The following TDRD10 variants were observed in gnomAD, a reference collection of about 807,000 sequenced individuals.
TDRD10 encodes the protein tudor domain containing 10.
A neutral mutation model predicts 48.0 loss-of-function variants in TDRD10; 40 were observed. The observed-to-expected ratio is 0.83, with a 90% CI of 0.65 to 1.09. TDRD10 has a LOEUF of 1.09. TDRD10 is among the 50% of genes least tolerant of loss of function. The pLI, the probability that TDRD10 is intolerant of heterozygous loss-of-function variation, is 0.00. For synonymous variants in TDRD10, 162 were observed against 170.4 expected (o/e 0.95, Z 0.38); for missense variants, 378 against 434.7 (o/e 0.87, Z 1.16).
intron 6 of TDRD10, among the ~76,000 whole-genome samples, chr1:154,527,384 G>A (rs1003461997): frequency 6.6e-6 from 1 of 152,128 alleles, no homozygotes; most frequent in Admixed American, 6.6e-5. Flanking sequence ...AGATCTCTGG[G>A]GAAAGGATAC....
chr1:154,546,811 T>C (rs1182539599), intron 11 of TDRD10, among the ~76,000 whole-genome samples: 2 of 151,998 alleles, frequency 1.3e-5, no homozygotes, highest in East Asian at 3.9e-4. Flanking sequence ...AAAATACAGC[T>C]CAGAAAAGTG....
intron 7 of TDRD10, 34 bp downstream of exon 7, chr1:154,542,100 G>GTGGC: frequency 6.2e-7 from 1 of 1,612,570 alleles, no homozygotes; most frequent in Non-Finnish European, 8.5e-7. Context: ...TTCCCAGGAT[G>GTGGC]TGGCTTTGCA....
chr1:154,529,291 C>T (rs1408345976), intron 6 of TDRD10, among the ~76,000 whole-genome samples: 2 of 152,114 alleles, frequency 1.3e-5, no homozygotes, highest in South Asian at 4.1e-4. Context: ...CCAGGCAGGT[C>T]TCAAACTCCT....
intron 4 of TDRD10, among the ~76,000 whole-genome samples, chr1:154,518,572 T>C (rs1363172097): frequency 1.3e-5 from 2 of 152,066 alleles, no homozygotes; most frequent in African/African-American, 4.8e-5. Flanking sequence ...GGACTGCAGG[T>C]GCCCGCCACC....
chr1:154,527,349 G>A (rs571348488), intron 6 of TDRD10, among the ~76,000 whole-genome samples: 2 of 152,338 alleles, frequency 1.3e-5, no homozygotes, highest in African/African-American at 2.4e-5. Context: ...TTCGTACACA[G>A]AAACTATTAT....
chr1:154,519,869 T>A (rs1159753368), intron 4 of TDRD10, among the ~76,000 whole-genome samples: 2 of 151,554 alleles, frequency 1.3e-5, no homozygotes, highest in Admixed American at 1.3e-4. Context: ...TGTGGGGAAA[T>A]GTTCCGGGAA....
intron 3 of TDRD10, 144 bp from the exon 4 acceptor site, chr1:154,508,279 C>T (rs1693259705): frequency 3.1e-6 from 2 of 653,816 alleles, no homozygotes; most frequent in East Asian, 5.1e-5. Flanking sequence ...CTTTGGGAGA[C>T]TGAGGTAGGA....
intron 6 of TDRD10, among the ~76,000 whole-genome samples, chr1:154,523,236 C>A (rs1419067258): frequency 6.6e-6 from 1 of 152,116 alleles, no homozygotes; most frequent in Non-Finnish European, 1.5e-5. Context: ...ATGATTTTTT[C>A]TTCCACTTGG....
In TDRD10 at chr1:154,524,435, G is replaced by A. The variant is rs191663805; in HGVS notation, c.369+2956G>A. Among the ~76,000 whole-genome samples, 35 of 152,270 alleles carry A rather than the reference G, an allele frequency of 2.3e-4. No individual in the cohort carries two copies. The East Asian group carries it at 6.8e-3, about 29-fold the overall frequency. ...GCCCACCTTGGCCTCTCAAAGTGCT[G>A]GGATTATAGCCATGAGCTGAGCCAC... On this transcript the variant is annotated intron_variant, in intron 6 of 12. Coordinates refer to ENST00000368482, the MANE Select transcript of TDRD10 (RefSeq NM_182499.4).
chr1:154,512,029 G>GAA (rs11312958), intron 4 of TDRD10, among the ~76,000 whole-genome samples: 35 of 147,556 alleles, frequency 2.4e-4, no homozygotes, highest in South Asian at 4.3e-4. Context: ...AACTGTGTCT[G>GAA]AAAAAAAAAA....
intron 4 of TDRD10, among the ~76,000 whole-genome samples, chr1:154,515,756 C>A (rs988174740): frequency 1.3e-5 from 2 of 152,148 alleles, no homozygotes; most frequent in African/African-American, 4.8e-5. Context: ...CTCTTGTCAC[C>A]CTGGCTGGAG....
At chr1:154,508,596 GCAGA>G (rs1375697899) in intron 4 of TDRD10, 115 bp downstream of exon 4, 3 of 747,870 alleles carry the variant, frequency 4.0e-6, no homozygotes, top group East Asian at 2.5e-5. Flanking sequence ...CTATGATAGT[GCAGA>G]CAGTCACTCG....
At chr1:154,533,512 C>T (rs557101866) in intron 6 of TDRD10, among the ~76,000 whole-genome samples, 1 of 152,152 alleles carries the variant, frequency 6.6e-6, no homozygotes, top group East Asian at 1.9e-4. Flanking sequence ...TCCCTTCTCT[C>T]CATCTTTCAG....
chr1:154,543,915 G>A (rs956944081), intron 8 of TDRD10, 48 bp from the exon 9 acceptor site: 1 of 1,606,278 alleles, frequency 6.2e-7, no homozygotes, highest in East Asian at 2.2e-5. Flanking sequence ...TCCTTTCCTT[G>A]CGTTGGTCCA....
chr1:154,520,286 T>C lies in TDRD10; in HGVS notation c.142-18T>C. 6.2e-7 allele frequency: 1 copy of C among 1,600,324 alleles called. No homozygotes were observed. On this transcript the variant is annotated intron_variant, in intron 4 of 12. Transcript: ENST00000368482. ...GTTATGTCTCTGGGTCTCTCTCTTT[T>C]AAACCCTGCTGTTGTAGGAGGAAAT...
At chr1:154,523,175 G>C (rs1266708077) in intron 6 of TDRD10, among the ~76,000 whole-genome samples, 2 of 152,102 alleles carry the variant, frequency 1.3e-5, no homozygotes, top group South Asian at 2.1e-4. Context: ...CAAAGTGCTG[G>C]GATTACAGGC....
At chr1:154,546,395 T>G (rs1049589550) in intron 11 of TDRD10, among the ~76,000 whole-genome samples, 1 of 146,594 alleles carries the variant, frequency 6.8e-6, no homozygotes, top group Admixed American at 6.9e-5. Flanking sequence ...ATATAAAATA[T>G]ATGTATAATG....
intron 11 of TDRD10, 62 bp from the exon 12 acceptor site, chr1:154,547,347 C>T: frequency 6.3e-7 from 1 of 1,596,390 alleles, no homozygotes; most frequent in Non-Finnish European, 8.6e-7. Flanking sequence ...TTGCTTCCCT[C>T]CTTTGCTCCT....
At chr1:154,537,658 C>G (rs1472667634) in intron 6 of TDRD10, among the ~76,000 whole-genome samples, 1 of 152,134 alleles carries the variant, frequency 6.6e-6, no homozygotes, top group Non-Finnish European at 1.5e-5. Flanking sequence ...TGAGGCTGTA[C>G]CCTGCTGAGT....
Sources: allele counts gnomAD v4.1 joint callset (sites outside exome capture counted in the v4.1 genomes callset), GRCh38; gene constraint gnomAD v4.1.1; transcripts MANE v1.5; gene names NCBI Gene and HGNC (gene_info 2026-07-23, HGNC 2026-07-21).